Variants in USP35 observed in about 807,000 individuals in gnomAD.
USP35 encodes ubiquitin specific peptidase 35.
USP35 carries 69 observed loss-of-function variants against 83.8 expected under a neutral mutation model. That is an observed-to-expected ratio of 0.82 (90% CI 0.68 to 1.01). The LOEUF is 1.01. Ranked by LOEUF, USP35 falls within the 50% of genes least tolerant of loss-of-function variation. The pLI, the probability that USP35 is intolerant of heterozygous loss-of-function variation, is 0.00. For synonymous variants in USP35, 714 were observed against 589.5 expected, an observed-to-expected ratio of 1.21 and a Z score of -3.06; for missense variants, 1,503 against 1,362.5, an observed-to-expected ratio of 1.10 and a Z score of -1.62.
intron 6 of USP35, among the ~76,000 whole-genome samples, chr11:78,202,260 G>A (rs1863380424): frequency 6.6e-6 from 1 of 152,182 alleles, no homozygotes; most frequent in African/African-American, 2.4e-5. Context: ...TAAAAGCCAG[G>A]ACCCAAGAAA....
chr11:78,226,401 A>G, the USP35 span: 4,701 of 1,297,048 alleles, frequency 3.6e-3, 144 homozygotes, highest in African/African-American at 0.062. Context: ...AGGACCATCA[A>G]ACTATTGAGA....
At chr11:78,222,422 T>TAATTATATTTTCAG in the USP35 span, among the ~76,000 whole-genome samples, 393 of 152,002 alleles carry the variant, frequency 2.6e-3, 2 homozygotes, top group Non-Finnish European at 1.8e-3. Context: ...GTATCTATGG[T>TAATTATATTTTCAG]AATTATATTT....
chr11:78,203,837 C>T (rs1450378425), intron 6 of USP35, among the ~76,000 whole-genome samples: 2 of 150,554 alleles, frequency 1.3e-5, no homozygotes, highest in Admixed American at 1.3e-4. Context: ...CTCGACTTCC[C>T]AAAGTATTGG....
At chr11:78,230,383 C>T in the USP35 span, among the ~76,000 whole-genome samples, 205 of 152,342 alleles carry the variant, frequency 1.3e-3, 1 homozygote, top group African/African-American at 4.7e-3. Context: ...CCCTGTGGAA[C>T]GCTTCCTTGA....
At chr11:78,201,276 T>C (rs543856967) in intron 6 of USP35, among the ~76,000 whole-genome samples, 3 of 152,278 alleles carry the variant, frequency 2.0e-5, no homozygotes, top group South Asian at 4.1e-4. Context: ...TCACTGTCTG[T>C]CTGCCTCCCT....
intron 3 of USP35, chr11:78,198,655 C>T: frequency 1.0e-6 from 1 of 985,406 alleles, no homozygotes; most frequent in Non-Finnish European, 1.2e-6. Flanking sequence ...TGTGCAGATC[C>T]ACCGTCTTCG....
the USP35 span, chr11:78,223,309 C>T: frequency 1.1e-5 from 10 of 939,632 alleles, no homozygotes; most frequent in Non-Finnish European, 1.5e-5. Flanking sequence ...ATGATTTGCC[C>T]CAAGTCACAC....
intron 6 of USP35, 146 bp from the exon 7 acceptor site, chr11:78,205,694 TCA>T: frequency 2.4e-6 from 2 of 820,504 alleles, no homozygotes; most frequent in Non-Finnish European, 3.7e-6. Flanking sequence ...AGGGGGCTGT[TCA>T]CACACACCCC....
chr11:78,213,067 C>G (rs1290896280), intron 10 of USP35, among the ~76,000 whole-genome samples: 1 of 152,156 alleles, frequency 6.6e-6, no homozygotes, highest in East Asian at 1.9e-4. Context: ...CGGGGGAATA[C>G]AGCAACTGGT....
Position 78,196,211 on chromosome 11 carries a change from T to C in USP35, c.-10-25T>C. Reference sequence around the variant, plus strand: ...CTTGAGCCCCGCGGTTGTCGGGCTGTGACCTCATTCCCTGTCCTCCGCAGC... The same window carrying C: ...CTTGAGCCCCGCGGTTGTCGGGCTGCGACCTCATTCCCTGTCCTCCGCAGC... On this transcript the variant is annotated intron_variant, in intron 1 of 10. Transcript: ENST00000529308. The surrounding 1 kb of genome is among the most constrained non-coding windows in gnomAD (Gnocchi z 4.8). 6.4e-7 allele frequency: 1 copy of C among 1,565,846 alleles called. No individual in the cohort carries two copies. Among genetic ancestry groups the C allele is most frequent in the Non-Finnish European group, 8.6e-7 (1 of 1,164,614 alleles).
At chr11:78,197,247 G>C (rs1390322895) in intron 2 of USP35, among the ~76,000 whole-genome samples, 21 of 149,266 alleles carry the variant, frequency 1.4e-4, no homozygotes, top group Admixed American at 2.7e-4. Flanking sequence ...GTGGGGGGGG[G>C]GGTCATTATG....
chr11:78,235,222 G>A, the USP35 span, among the ~76,000 whole-genome samples: 495 of 151,606 alleles, frequency 3.3e-3, 5 homozygotes, highest in Non-Finnish European at 2.7e-3. Flanking sequence ...GCACGATCTC[G>A]GCTCACTGCA....
the USP35 span, among the ~76,000 whole-genome samples, chr11:78,220,774 C>T: frequency 1.3e-5 from 2 of 152,354 alleles, no homozygotes; most frequent in African/African-American, 2.4e-5. Context: ...CTGTACCACA[C>T]TGCCTCCTTT....
chr11:78,212,356 T>C (rs995907552), intron 10 of USP35, among the ~76,000 whole-genome samples: 1 of 152,248 alleles, frequency 6.6e-6, no homozygotes, highest in Non-Finnish European at 1.5e-5. Flanking sequence ...ACAGCATAGT[T>C]TGAAGTCAGG....
rs781174258 is a variant in USP35, at chr11:78,196,358, G to A, written c.113G>A (p.Cys38Tyr). 2 of 1,543,238 alleles carry A rather than the reference G, an allele frequency of 1.3e-6. No individual in the cohort carries two copies. The highest frequency in any genetic ancestry group is 5.1e-5 in the East Asian group (2 of 39,578). ...AARQPLEREQ[C>Y]LALLALGARL... ...CGGCAGCCGCTGGAGCGTGAGCAGT[G>A]CCTGGCGCTGCTGGCGCTGGGCGCG... Residue 38 changes from cysteine (C) to tyrosine (Y), a missense_variant, in exon 2 of 11, where the codon TGC (cysteine) becomes TAC (tyrosine). By Grantham distance (194) the Cys-to-Tyr change is radical (BLOSUM62 -2). Transcript: ENST00000529308. The surrounding 1 kb of genome is among the most constrained non-coding windows in gnomAD (Gnocchi z 4.8).
chr11:78,227,613 A>G, the USP35 span, among the ~76,000 whole-genome samples: 5 of 138,796 alleles, frequency 3.6e-5, no homozygotes, highest in African/African-American at 1.1e-4. Context: ...TGGGAACACA[A>G]TAAGACTCCA....
the USP35 span, among the ~76,000 whole-genome samples, chr11:78,225,406 G>C: frequency 2.0e-5 from 3 of 152,190 alleles, no homozygotes; most frequent in South Asian, 2.1e-4. Context: ...TCCAGTGTTA[G>C]CATCTGCAGA....
downstream of USP35, chr11:78,215,708 C>T (rs1053806800): frequency 1.3e-5 from 2 of 152,378 alleles, no homozygotes; most frequent in Non-Finnish European, 2.9e-5. Context: ...TGGGGACCCC[C>T]TCGGCAGGTA....
Position 78,200,705 on chromosome 11 carries a change from C to G in USP35, c.1094C>G (p.Ser365Trp), listed in dbSNP as rs756113726. The change falls in exon 6 of 11, where the codon TCG (serine) becomes TGG (tryptophan). Residue 365 changes from serine to tryptophan, a missense_variant. Coordinates refer to ENST00000529308, the MANE Select transcript of USP35 (RefSeq NM_020798.4). ...TCTCTGGTCAAGGAGGACTCGAACT[C>G]GGGGACCAGCTGCCTGGAGCAGCTG... ...VASLVKEDSNSGTSCLEQLAE... is the reference protein window; with the variant it reads ...VASLVKEDSNWGTSCLEQLAE... 1.2e-6 allele frequency: 2 copies of G among 1,614,090 alleles called. No homozygotes were observed. The highest frequency in any genetic ancestry group is 1.7e-6 in the Non-Finnish European group (2 of 1,179,982).
Sources: allele counts gnomAD v4.1 joint callset (sites outside exome capture counted in the v4.1 genomes callset), GRCh38; gene constraint gnomAD v4.1.1; non-coding constraint Gnocchi (gnomAD v3.1); transcripts MANE v1.5; gene names NCBI Gene and HGNC (gene_info 2026-07-23, HGNC 2026-07-21).